Variants in CLDN14 observed in about 807,000 individuals in gnomAD.
CLDN14 encodes the protein claudin-14.
In CLDN14, 2 loss-of-function variants were observed where a neutral mutation model predicts 2.1. The ratio of observed to expected loss-of-function variants is 0.96; its 90% CI spans 0.39 to 3.01. CLDN14 has a LOEUF of 3.01. Ranked by LOEUF, CLDN14 falls within the 30% of genes most tolerant of loss-of-function variation. CLDN14 has a pLI of 0.09. For missense variants in CLDN14, 298 were observed against 328.0 expected, an observed-to-expected ratio of 0.91 and a Z score of 0.71; for synonymous variants, 136 against 154.4, an observed-to-expected ratio of 0.88 and a Z score of 0.88.
Position 36,523,424 on chromosome 21 carries a change from G to A in CLDN14, c.-219-12924C>T, listed in dbSNP as rs988739604. ...GACTTAAACTTTCTTTTCAATAAAA[G>A]CAATCTAGGAAGTTTCCCAGTTTAG... is the stretch of plus-strand genomic sequence containing the variant. On this transcript the variant is annotated intron_variant, in intron 1 of 2. Coordinates refer to the CLDN14 transcript ENST00000342108. Among the ~76,000 whole-genome samples, 10 of 152,218 alleles carry A rather than the reference G, an allele frequency of 6.6e-5. No homozygotes were observed. In the East Asian group the frequency reaches 1.7e-3, roughly 26 times the overall value.
intron 1 of CLDN14, among the ~76,000 whole-genome samples, chr21:36,474,465 A>G (rs1328420195): frequency 6.6e-6 from 1 of 152,234 alleles, no homozygotes; most frequent in Non-Finnish European, 1.5e-5. Flanking sequence ...ATTGCACTAA[A>G]ATATTTTGAT....
chr21:36,483,196 C>T (rs1451598630), upstream of CLDN14, among the ~76,000 whole-genome samples: 2 of 152,254 alleles, frequency 1.3e-5, no homozygotes, highest in African/African-American at 4.8e-5. Flanking sequence ...CAAGGCCCCA[C>T]TGCAGCCCTT....
intron 1 of CLDN14, among the ~76,000 whole-genome samples, chr21:36,469,257 G>C (rs1480947655): frequency 6.6e-6 from 1 of 152,052 alleles, no homozygotes; most frequent in East Asian, 1.9e-4. Flanking sequence ...ATTTCACATG[G>C]GCTATACTGT....
intron 1 of CLDN14, among the ~76,000 whole-genome samples, chr21:36,529,038 G>A (rs144000497): frequency 2.7e-3 from 408 of 152,346 alleles, no homozygotes; most frequent in Non-Finnish European, 4.3e-3. Context: ...TATTCATCCA[G>A]ATGGCTGTTT....
At chr21:36,526,713 C>T (rs2087333384) in intron 1 of CLDN14, among the ~76,000 whole-genome samples, 1 of 152,226 alleles carries the variant, frequency 6.6e-6, no homozygotes, top group Non-Finnish European at 1.5e-5. Flanking sequence ...GCACTTCACA[C>T]TCCTGAGGTA....
rs1403081927 is a variant in CLDN14 at position 36,543,441 on chromosome 21, T to C, written c.-219-32941A>G. The stretch of plus-strand genomic sequence containing the variant: ...CCAGGGAGAGGCAAACAAAAGAGAG[T>C]GATAGGGAAGTTTCTCAGGATGTTC... On this transcript the variant is annotated intron_variant, in intron 1 of 2. Coordinates refer to the CLDN14 transcript ENST00000342108. Among the ~76,000 whole-genome samples, 7 of 151,812 alleles carry C rather than the reference T, an allele frequency of 4.6e-5. No homozygotes were observed. In the East Asian group the frequency reaches 1.4e-3, roughly 29 times the overall value.
chr21:36,461,575 G>A lies in CLDN14; in HGVS notation c.121C>T (p.Leu41Phe). 2.5e-6 allele frequency: 4 copies of A among 1,612,784 alleles called. No individual in the cohort carries two copies. The South Asian group carries it at 4.4e-5, about 18-fold the overall frequency. Residue 41 changes from leucine to phenylalanine, a missense_variant, in exon 2 of 2, where the codon CTC becomes TTC. Physicochemically the swap from Leu to Phe is conservative, Grantham distance 22 (BLOSUM62 0). Coordinates refer to ENST00000399135, the MANE Select transcript of CLDN14 (RefSeq NM_001146079.2). The stretch of plus-strand genomic sequence containing the variant: ...CCTTTCAGGTAGGACACGGCCGTGA[G>A]GATGTTGGTGCCCACGTGCGCTGTC... ...RRTAHVGTNILTAVSYLKGLW... is the reference protein window; with the variant it reads ...RRTAHVGTNIFTAVSYLKGLW...
chr21:36,565,547 T>A (rs394211), intron 1 of CLDN14, among the ~76,000 whole-genome samples: 114,286 of 152,060 alleles, frequency 0.75, 44,375 homozygotes, highest in Non-Finnish European at 0.87. Context: ...AGCATTTGCC[T>A]ATTTCCATCA....
In CLDN14 at chr21:36,506,430, G is replaced by T. The variant is rs551070197; in HGVS notation, c.-82+3933C>A. On this transcript the variant is annotated intron_variant, in intron 2 of 2. Coordinates refer to the CLDN14 transcript ENST00000342108. Reference sequence around the variant, plus strand: ...TGACCAGCATGGCAAAGCCCCATCTGTACTAAAAATACAAAAATTAGTTGG... The same window carrying T: ...TGACCAGCATGGCAAAGCCCCATCTTTACTAAAAATACAAAAATTAGTTGG... Among the ~76,000 whole-genome samples the T allele has an allele frequency of 4.6e-5, 7 of 152,036 alleles. No homozygotes were observed. In the South Asian group the frequency reaches 1.2e-3, roughly 27 times the overall value.
intron 1 of CLDN14, among the ~76,000 whole-genome samples, chr21:36,555,404 G>A (rs1348046552): frequency 6.6e-6 from 1 of 152,254 alleles, no homozygotes; most frequent in African/African-American, 2.4e-5. Context: ...GGGGTGCGCT[G>A]TTATGCTTCA....
chr21:36,573,181 GT>G (rs1342290600), intron 1 of CLDN14, among the ~76,000 whole-genome samples: 1 of 151,790 alleles, frequency 6.6e-6, no homozygotes, highest in Non-Finnish European at 1.5e-5. Flanking sequence ...GGCGCCTGTA[GT>G]CCCAGCTACT....
chr21:36,514,922 A>G (rs1601619379), intron 1 of CLDN14, among the ~76,000 whole-genome samples: 2 of 152,064 alleles, frequency 1.3e-5, no homozygotes, highest in South Asian at 4.1e-4. Flanking sequence ...ACTGTTATCT[A>G]CTGAACCCTA....
chr21:36,519,361 C>G (rs1009633307), intron 1 of CLDN14, among the ~76,000 whole-genome samples: 1 of 152,174 alleles, frequency 6.6e-6, no homozygotes, highest in African/African-American at 2.4e-5. Flanking sequence ...GTGGGTGGAT[C>G]GCTTGAGGTT....
At chr21:36,461,808 G>A in intron 1 of CLDN14, 32 bp from the exon 2 acceptor site, 1 of 1,417,316 alleles carries the variant, frequency 7.1e-7, no homozygotes, top group South Asian at 1.3e-5. Flanking sequence ...GGAGCAGGGA[G>A]AGAAAGGAAA....
chr21:36,539,885 C>T (rs913751636), intron 1 of CLDN14, among the ~76,000 whole-genome samples: 14 of 135,968 alleles, frequency 1.0e-4, no homozygotes, highest in African/African-American at 3.6e-4. Flanking sequence ...TGCAGATGAG[C>T]GTCTGTGCAG....
At chr21:36,519,755 C>A (rs1369989751) in intron 1 of CLDN14, among the ~76,000 whole-genome samples, 3 of 151,834 alleles carry the variant, frequency 2.0e-5, no homozygotes, top group African/African-American at 7.3e-5. Flanking sequence ...AACAAAAAAA[C>A]CCACAACCTA....
At position 36,499,006 on chromosome 21, in the gene CLDN14, T is replaced by C. The variant is rs1297796581; in HGVS notation, c.-82+11357A>G. Reference sequence around the variant, plus strand: ...ATCCATCTGGATGAAGCACCTTTATTTTCTAATTTGGCCAGTTTCAGGGCA... The same window carrying C: ...ATCCATCTGGATGAAGCACCTTTATCTTCTAATTTGGCCAGTTTCAGGGCA... On this transcript the variant is annotated intron_variant, in intron 2 of 2. Coordinates refer to the CLDN14 transcript ENST00000342108. This position sits in a 1 kb window ranked among gnomAD's most constrained non-coding sequence, Gnocchi z 4.7. Among the ~76,000 whole-genome samples, 1 of 152,160 alleles carries C rather than the reference T, an allele frequency of 6.6e-6. No individual in the cohort carries two copies. Among genetic ancestry groups the C allele is most frequent in the Non-Finnish European group, 1.5e-5 (1 of 68,034 alleles).
chr21:36,559,298 G>A (rs551224577), intron 1 of CLDN14, among the ~76,000 whole-genome samples: 1 of 152,300 alleles, frequency 6.6e-6, no homozygotes, highest in East Asian at 1.9e-4. Flanking sequence ...CTGGGTTCAA[G>A]TGATTCTCCT....
At chr21:36,563,656 G>A (rs2087653152) in intron 1 of CLDN14, among the ~76,000 whole-genome samples, 1 of 152,150 alleles carries the variant, frequency 6.6e-6, no homozygotes. Flanking sequence ...TGTAGGAAAC[G>A]ATTATTAGAA....
Sources: gnomAD v4.1 joint callset for allele counts (sites outside exome capture counted in the v4.1 genomes callset) on GRCh38, gnomAD v4.1.1 for gene constraint, Gnocchi (gnomAD v3.1) non-coding constraint, MANE v1.5 for transcripts, NCBI Gene and HGNC (gene_info 2026-07-23, HGNC 2026-07-21) for gene names.